AIFM2: variants seen among roughly 807,000 people sequenced by gnomAD.
AIFM2 encodes ferroptosis suppressor protein 1.
A neutral mutation model predicts 35.7 loss-of-function variants in AIFM2; 38 were observed. The ratio of observed to expected loss-of-function variants is 1.06; its 90% CI spans 0.82 to 1.39. The LOEUF is 1.39. Among genes scored for constraint, AIFM2 ranks in the 40% most tolerant of loss-of-function variants. The pLI is 0.00. For missense variants in AIFM2, 476 were observed against 491.2 expected (o/e 0.97, Z 0.29); for synonymous variants, 185 against 203.5 (o/e 0.91, Z 0.77).
chr10:70,114,830 A>T, intron 8 of AIFM2, 90 bp downstream of exon 8: 1 of 1,416,804 alleles, frequency 7.1e-7, no homozygotes, highest in Non-Finnish European at 9.7e-7. Flanking sequence ...AGTTTGTTCT[A>T]GTGGCCAGGT....
At position 70,120,562 on chromosome 10, in the gene AIFM2, C is replaced by T; in HGVS notation, c.452G>A (p.Gly151Asp). Reference protein sequence around the residue: ...RSRFIVVVGGGSAGVEMAAEI... With the variant: ...RSRFIVVVGGDSAGVEMAAEI... ...TGCTGCCATCTCCACTCCAGCCGAG[C>T]CTCCTCCCACCACCACGATGAACCG... The change falls in exon 5 of 9, where the codon GGC becomes GAC. Residue 151 changes from glycine to aspartate, a missense_variant. Gly to Asp is a moderately conservative substitution (Grantham distance 94). Coordinates refer to ENST00000307864, the MANE Select transcript of AIFM2 (RefSeq NM_032797.6). 2 of 1,614,148 alleles carry T rather than the reference C, an allele frequency of 1.2e-6. No homozygotes were observed. The highest frequency in any genetic ancestry group is 8.5e-7 in the Non-Finnish European group (1 of 1,180,040).
chr10:70,123,681 C>T (rs1011358836), intron 2 of AIFM2, among the ~76,000 whole-genome samples, 161 bp from the exon 3 acceptor site: 2 of 152,146 alleles, frequency 1.3e-5, no homozygotes, highest in Non-Finnish European at 2.9e-5. Context: ...TCCTAAAATG[C>T]CAATCTGGGC....
In AIFM2 at chr10:70,124,058, C is replaced by T. The variant is rs749854948; in HGVS notation, c.27G>A (p.Ser9=). The T allele has an allele frequency of 1.9e-5, 30 of 1,570,936 alleles. No homozygotes were observed. Among genetic ancestry groups the T allele is most frequent in the East Asian group, 1.2e-4 (5 of 43,018 alleles). MGSQVSVE[S]GALHVVIVGG... ...CCACAATCACCACGTGCAGAGCTCC[C>T]GATTCCACCGAGACCTGGGACCCCA... is the stretch of plus-strand genomic sequence containing the variant. Residue 9 remains serine, a synonymous_variant, in exon 2 of 9, where the codon TCG becomes TCA. Coordinates refer to ENST00000307864, the MANE Select transcript of AIFM2 (RefSeq NM_032797.6).
chr10:70,127,104 G>A (rs150709883), intron 1 of AIFM2, among the ~76,000 whole-genome samples: 2 of 152,364 alleles, frequency 1.3e-5, no homozygotes, highest in South Asian at 2.1e-4. Context: ...CAGGAGCTGC[G>A]CAGGGCCTGA....
At chr10:70,116,465 G>A (rs971681785) in intron 7 of AIFM2, among the ~76,000 whole-genome samples, 157 bp downstream of exon 7, 3 of 152,220 alleles carry the variant, frequency 2.0e-5, no homozygotes, top group African/African-American at 7.2e-5. Context: ...GGAGAGCTCA[G>A]CAAGGGTGGA....
intron 4 of AIFM2, 30 bp from the exon 5 acceptor site, chr10:70,120,629 A>G: frequency 2.5e-6 from 4 of 1,611,102 alleles, no homozygotes; most frequent in Non-Finnish European, 2.5e-6. Context: ...AAACAGGGAC[A>G]TATGAAACAC....
intron 4 of AIFM2, 29 bp downstream of exon 4, chr10:70,121,063 C>A: frequency 6.2e-7 from 1 of 1,603,264 alleles, no homozygotes; most frequent in South Asian, 1.1e-5. Context: ...TCTGCCCACA[C>A]TGCCCCATGC....
At chr10:70,123,755 C>A (rs2072535538) in intron 2 of AIFM2, 152 bp downstream of exon 2, 2 of 936,440 alleles carry the variant, frequency 2.1e-6, no homozygotes, top group East Asian at 2.7e-5. Flanking sequence ...CTACTTAAGA[C>A]CAAAGACCTT....
At chr10:70,123,102 T>C (rs2072526939) in intron 3 of AIFM2, among the ~76,000 whole-genome samples, 1 of 152,164 alleles carries the variant, frequency 6.6e-6, no homozygotes, top group South Asian at 2.1e-4. Context: ...CTCAGCTTAC[T>C]GGAACTTCCA....
In AIFM2 at chr10:70,120,558, C is replaced by A. The variant is rs556198278; in HGVS notation, c.456G>T (p.Ser152=). Reference sequence around the variant, plus strand: ...TCTCTGCTGCCATCTCCACTCCAGCCGAGCCTCCTCCCACCACCACGATGA... The same window carrying A: ...TCTCTGCTGCCATCTCCACTCCAGCAGAGCCTCCTCCCACCACCACGATGA... ...SRFIVVVGGG[S]AGVEMAAEIK... The change falls in exon 5 of 9, where the codon TCG becomes TCT. Residue 152 remains serine, a synonymous_variant. Transcript: ENST00000307864. 1 of 1,614,146 alleles carries A rather than the reference C, an allele frequency of 6.2e-7. No homozygotes were observed. The highest frequency in any genetic ancestry group is 8.5e-7 in the Non-Finnish European group (1 of 1,180,042).
chr10:70,114,941 G>T lies in AIFM2; in HGVS notation c.949C>A (p.Pro317Thr), dbSNP rs368855181. Residue 317 changes from proline (P) to threonine (T), a missense_variant, in exon 8 of 9, where the codon CCT becomes ACT. Physicochemically the swap from Pro to Thr is conservative, Grantham distance 38. Coordinates refer to ENST00000307864, the MANE Select transcript of AIFM2 (RefSeq NM_032797.6). ...ANIVNSVKQR[P>T]LQAYKPGALT... ...TTACCCGGCTTGTAGGCCTGGAGAG[G>T]CCGCTGCTTCACAGAGTTGACGATG... The T allele has an allele frequency of 1.2e-6, 2 of 1,614,124 alleles. No individual in the cohort carries two copies. The highest frequency in any genetic ancestry group is 1.7e-6 in the Non-Finnish European group (2 of 1,180,014).
At chr10:70,126,321 C>A (rs1028240405) in intron 1 of AIFM2, among the ~76,000 whole-genome samples, 2 of 152,216 alleles carry the variant, frequency 1.3e-5, no homozygotes, top group Non-Finnish European at 2.9e-5. Flanking sequence ...GAAAGCAGCC[C>A]CAGAGGCTCA....
chr10:70,132,374 TC>T (rs757382090), intron 1 of AIFM2, among the ~76,000 whole-genome samples: 18 of 152,296 alleles, frequency 1.2e-4, no homozygotes, highest in South Asian at 1.0e-3. Flanking sequence ...CCTCGGACGG[TC>T]CTCGCAAGAT....
At chr10:70,114,770 A>C in intron 8 of AIFM2, 150 bp downstream of exon 8, 1 of 1,028,950 alleles carries the variant, frequency 9.7e-7, no homozygotes, top group Non-Finnish European at 1.4e-6. Context: ...CACCGCGCCC[A>C]GCCTATTTTT....
intron 8 of AIFM2, 76 bp downstream of exon 8, chr10:70,114,844 G>A (rs766421424): frequency 6.7e-6 from 10 of 1,500,006 alleles, no homozygotes; most frequent in Non-Finnish European, 9.1e-6. Flanking sequence ...GCCAGGTATG[G>A]GATAGCCCAA....
In AIFM2 at chr10:70,117,150, C is replaced by G. The variant is rs2072446343; in HGVS notation, c.617-376G>C. On this transcript the variant is annotated intron_variant, in intron 6 of 8. Coordinates refer to ENST00000307864, the MANE Select transcript of AIFM2 (RefSeq NM_032797.6). This position sits in a 1 kb window ranked among gnomAD's most constrained non-coding sequence, Gnocchi z 4.7. ...AAGTGCACCACGACAAAGGGGAAAG[C>G]CAGAGAAAGAGAAGCCAGCTCGCTA... Among the ~76,000 whole-genome samples, 1 of 152,174 alleles carries G rather than the reference C, an allele frequency of 6.6e-6. No individual in the cohort carries two copies. The highest frequency in any genetic ancestry group is 6.5e-5 in the Admixed American group (1 of 15,288).
Position 70,116,608 on chromosome 10 carries a change from G to T in AIFM2, c.769+14C>A. ...AAGGAGGCACAGGGGAAGCCCGGCT[G>T]GGCACCTGCTCACCAAACGCTTTGC... On this transcript the variant is annotated intron_variant, in intron 7 of 8. Coordinates refer to ENST00000307864, the MANE Select transcript of AIFM2 (RefSeq NM_032797.6). 6.2e-7 allele frequency: 1 copy of T among 1,612,782 alleles called. No individual in the cohort carries two copies. The highest frequency in any genetic ancestry group is 8.5e-7 in the Non-Finnish European group (1 of 1,179,762).
At chr10:70,132,681 T>TC (rs1554824709) in intron 1 of AIFM2, 53 bp downstream of exon 1, 3 of 152,158 alleles carry the variant, frequency 2.0e-5, no homozygotes, top group Non-Finnish European at 4.4e-5. Flanking sequence ...CGGGTCCCGG[T>TC]CCCGCCCGGG....
chr10:70,120,470 A>G (rs753465123), intron 5 of AIFM2, 37 bp downstream of exon 5: 2 of 1,609,386 alleles, frequency 1.2e-6, no homozygotes, highest in Non-Finnish European at 8.5e-7. Context: ...AAAAAAGCCA[A>G]CCACTTAGAG....
Sources: gnomAD v4.1 joint callset for allele counts (sites outside exome capture counted in the v4.1 genomes callset) on GRCh38, gnomAD v4.1.1 for gene constraint, Gnocchi (gnomAD v3.1) non-coding constraint, MANE v1.5 for transcripts, NCBI Gene and HGNC (gene_info 2026-07-23, HGNC 2026-07-21) for gene names.